OPN3: variants seen among roughly 807,000 people sequenced by gnomAD.
The protein encoded by OPN3 is opsin 3.
In OPN3, 29 loss-of-function variants were observed where a neutral mutation model predicts 33.8. That is an observed-to-expected ratio of 0.86 (90% confidence interval 0.64 to 1.17). The LOEUF (loss-of-function observed/expected upper bound fraction) is 1.17, where lower values mean the gene tolerates loss of function less well. Ranked by LOEUF, OPN3 falls within the 50% of genes most tolerant of loss-of-function variation. The pLI is 0.00. For synonymous variants in OPN3, 216 were observed against 216.1 expected (o/e 1.00, Z 0.00); for missense variants, 437 against 514.1 (o/e 0.85, Z 1.45).
chr1:241,624,762 A>G (rs751246514), intron 1 of OPN3, among the ~76,000 whole-genome samples: 32 of 152,192 alleles, frequency 2.1e-4, no homozygotes, highest in Non-Finnish European at 3.5e-4. Flanking sequence ...ACTTCACTGG[A>G]CACCTCTGAA....
chr1:241,611,079 G>A (rs1355772257), intron 1 of OPN3, among the ~76,000 whole-genome samples: 2 of 152,080 alleles, frequency 1.3e-5, no homozygotes, highest in East Asian at 3.8e-4. Context: ...GAGTGGACAG[G>A]GCTCTGGAGG....
rs1663432440 is a variant in OPN3 at position 241,594,425 on chromosome 1, T to C, written c.*3A>G. The C allele has an allele frequency of 1.2e-6, 2 of 1,609,768 alleles. No homozygotes were observed. Among genetic ancestry groups the C allele is most frequent in the African/African-American group, 1.3e-5 (1 of 74,820 alleles). Reference sequence around the variant, plus strand: ...CCCCATCTTTCGTTGCCATTCTTCATTCCTACAAAGGACGAACTTGGATTA... The same window carrying C: ...CCCCATCTTTCGTTGCCATTCTTCACTCCTACAAAGGACGAACTTGGATTA... On this transcript the variant is annotated 3_prime_UTR_variant, in exon 4 of 4. Transcript: ENST00000366554.
rs551504494 is a variant in OPN3 at position 241,599,396 on chromosome 1, A to G, written c.694-1399T>C. 1.4e-4 allele frequency among the ~76,000 whole-genome samples: 22 copies of G among 152,270 alleles called. 1 individual carries two copies. In the South Asian group the frequency reaches 3.3e-3, roughly 23 times the overall value. On this transcript the variant is annotated intron_variant, in intron 2 of 3. Transcript: ENST00000366554. ...TTTGTATTTTTGTAGTAAAATTCAT[A>G]TAACTTATTACAATGTTCAGAGATA...
intron 1 of OPN3, among the ~76,000 whole-genome samples, chr1:241,609,058 T>C (rs1256299103): frequency 6.6e-6 from 1 of 152,248 alleles, no homozygotes; most frequent in African/African-American, 2.4e-5. Context: ...ATGAAAGGAC[T>C]GTCTTACAAC....
intron 3 of OPN3, 112 bp downstream of exon 3, chr1:241,597,634 T>A: frequency 1.8e-6 from 2 of 1,090,258 alleles, no homozygotes; most frequent in Non-Finnish European, 1.3e-6. Context: ...CCTAAAAAAT[T>A]CTTGTTTTTT....
chr1:241,607,677 A>G (rs1020082817), intron 1 of OPN3, among the ~76,000 whole-genome samples: 6 of 149,728 alleles, frequency 4.0e-5, no homozygotes, highest in African/African-American at 1.2e-4. Context: ...AAAAAGGAAG[A>G]AAGAGAGAAA....
chr1:241,605,959 C>G (rs1230928272), intron 1 of OPN3, among the ~76,000 whole-genome samples: 2 of 152,150 alleles, frequency 1.3e-5, no homozygotes, highest in Admixed American at 6.5e-5. Context: ...ATCTGTTACT[C>G]TCTTGTCCTT....
Position 241,596,981 on chromosome 1 carries a change from G to GC in OPN3, c.945+764dup, listed in dbSNP as rs3835404. Among the ~76,000 whole-genome samples the GC allele has an allele frequency of 7.9e-5, 12 of 151,564 alleles. No individual in the cohort carries two copies. The East Asian group carries it at 2.4e-3, about 30-fold the overall frequency. On this transcript the variant is annotated intron_variant, in intron 3 of 3. Coordinates refer to ENST00000366554, the MANE Select transcript of OPN3 (RefSeq NM_014322.3). Reference sequence around the variant, plus strand: ...CTGCGACTAAGGCACATGCCACCATGCCCAGCTAATTTTTTCTTTTTTTTT... The same window carrying GC: ...CTGCGACTAAGGCACATGCCACCATGCCCCAGCTAATTTTTTCTTTTTTTTT...
intron 1 of OPN3, among the ~76,000 whole-genome samples, chr1:241,614,703 A>G (rs761969949): frequency 6.6e-6 from 1 of 152,082 alleles, no homozygotes; most frequent in Non-Finnish European, 1.5e-5. Flanking sequence ...TCCCATTTGG[A>G]CAGATATCCT....
At chr1:241,616,057 T>G in intron 1 of OPN3, 2 of 433,986 alleles carry the variant, frequency 4.6e-6, no homozygotes, top group Non-Finnish European at 9.4e-6. Flanking sequence ...TGTTTCAAGC[T>G]GCGTTAGTAT....
Position 241,635,661 on chromosome 1 carries a change from G to A in OPN3, c.373+4221C>T. On this transcript the variant is annotated intron_variant, in intron 1 of 3. Coordinates refer to ENST00000366554, the MANE Select transcript of OPN3 (RefSeq NM_014322.3). ...CCATAGTAGCTTCTTGAATCAATAT[G>A]CAGAACCCTCTGACCACTTCTTGAA... is the stretch of plus-strand genomic sequence containing the variant. The A allele has an allele frequency of 6.2e-7, 1 of 1,614,040 alleles. No individual in the cohort carries two copies. The highest frequency in any genetic ancestry group is 8.5e-7 in the Non-Finnish European group (1 of 1,179,932).
At chr1:241,610,502 C>T (rs1663961137) in intron 1 of OPN3, among the ~76,000 whole-genome samples, 1 of 152,120 alleles carries the variant, frequency 6.6e-6, no homozygotes, top group African/African-American at 2.4e-5. Context: ...TATAAAAGCA[C>T]AGAAGTGAAA....
chr1:241,597,723 A>T (rs1489259543), intron 3 of OPN3, 23 bp downstream of exon 3: 1 of 1,606,358 alleles, frequency 6.2e-7, no homozygotes. Context: ...GGGTGAAAAC[A>T]ATCAGTTAAT....
chr1:241,639,764 C>G, intron 1 of OPN3, 118 bp downstream of exon 1: 1 of 970,636 alleles, frequency 1.0e-6, no homozygotes. Flanking sequence ...GGGCGGGGGG[C>G]GCGGGGCCGA....
chr1:241,635,025 A>T, intron 1 of OPN3: 2 of 1,613,394 alleles, frequency 1.2e-6, no homozygotes, highest in Non-Finnish European at 1.7e-6. Context: ...GATTTGATTA[A>T]AAGATCAATT....
chr1:241,633,440 T>C (rs749621052), intron 1 of OPN3: 5 of 197,880 alleles, frequency 2.5e-5, no homozygotes, highest in Non-Finnish European at 5.2e-5. Context: ...GTATTACTAA[T>C]TGTTCTGTAG....
intron 1 of OPN3, among the ~76,000 whole-genome samples, chr1:241,626,647 T>C (rs570781766): frequency 6.6e-6 from 1 of 152,294 alleles, no homozygotes; most frequent in Non-Finnish European, 1.5e-5. Context: ...TTAAAGCTGG[T>C]AAAATACTGC....
intron 1 of OPN3, among the ~76,000 whole-genome samples, chr1:241,622,628 T>C (rs1034428561): frequency 5.3e-5 from 8 of 152,188 alleles, no homozygotes; most frequent in African/African-American, 1.9e-4. Context: ...TTAAAACCAT[T>C]GTTCTAGAAT....
chr1:241,638,924 G>A (rs1185548955), intron 1 of OPN3, among the ~76,000 whole-genome samples: 2 of 152,062 alleles, frequency 1.3e-5, no homozygotes, highest in African/African-American at 4.8e-5. Context: ...ATTTAAAAAA[G>A]GAACTTTAAG....
Sources: allele counts gnomAD v4.1 joint callset (sites outside exome capture counted in the v4.1 genomes callset), GRCh38; gene constraint gnomAD v4.1.1; transcripts MANE v1.5; gene names NCBI Gene and HGNC (gene_info 2026-07-23, HGNC 2026-07-21).